HEATR4: variants seen among roughly 807,000 people sequenced by gnomAD.
HEATR4 encodes HEAT repeat-containing protein 4.
In HEATR4, 95 loss-of-function variants were observed where a neutral mutation model predicts 108.8. That is an observed-to-expected ratio of 0.87 (90% CI 0.74 to 1.04). HEATR4 has a LOEUF of 1.04. Among genes scored for constraint, HEATR4 ranks in the 50% least tolerant of loss-of-function variants. HEATR4 has a pLI of 0.00. For synonymous variants in HEATR4, 443 were observed against 459.4 expected (o/e 0.96, Z 0.46); for missense variants, 1,152 against 1,253.8 (o/e 0.92, Z 1.23).
the HEATR4 span, among the ~76,000 whole-genome samples, chr14:73,565,690 T>C: frequency 2.0e-5 from 3 of 151,882 alleles, no homozygotes; most frequent in South Asian, 2.1e-4. Flanking sequence ...TAAGGCGGCG[T>C]GTCTGGAGTT....
intron 15 of HEATR4, 63 bp downstream of exon 15, chr14:73,496,538 G>A: frequency 1.0e-6 from 1 of 974,170 alleles, no homozygotes; most frequent in Non-Finnish European, 1.7e-6. Flanking sequence ...GAGGAGGACA[G>A]GGTCTGAGGA....
chr14:73,569,966 G>T, the HEATR4 span: 1 of 1,471,860 alleles, frequency 6.8e-7, no homozygotes, highest in South Asian at 1.4e-5. Context: ...TCGCTTATGT[G>T]TATGCCCCCC....
chr14:73,591,545 A>G, the HEATR4 span, among the ~76,000 whole-genome samples: 3 of 152,026 alleles, frequency 2.0e-5, no homozygotes, highest in African/African-American at 4.8e-5. Context: ...CTGTTTCAAA[A>G]AAAAAAAAAG....
intron 17 of HEATR4, among the ~76,000 whole-genome samples, chr14:73,488,187 T>C (rs921475104): frequency 1.3e-5 from 2 of 152,200 alleles, no homozygotes; most frequent in African/African-American, 2.4e-5. Context: ...CAATGTTAGA[T>C]GAGGGACCTG....
chr14:73,523,491 C>A (rs1888102426), intron 2 of HEATR4, among the ~76,000 whole-genome samples: 1 of 152,212 alleles, frequency 6.6e-6, no homozygotes, highest in Non-Finnish European at 1.5e-5. Flanking sequence ...GTATCCCATG[C>A]TTCCAGTTTG....
chr14:73,562,501 C>A (rs1889544009), upstream of HEATR4, among the ~76,000 whole-genome samples: 1 of 151,960 alleles, frequency 6.6e-6, no homozygotes, highest in Non-Finnish European at 1.5e-5. Context: ...GGGAAGACAA[C>A]CATAAGGTCT....
intron 17 of HEATR4, among the ~76,000 whole-genome samples, chr14:73,482,741 C>T (rs1885305838): frequency 6.6e-6 from 1 of 152,190 alleles, no homozygotes; most frequent in Non-Finnish European, 1.5e-5. Context: ...ACCATAACCT[C>T]CGCCTTCCAA....
the HEATR4 span, chr14:73,575,037 A>G: frequency 6.3e-7 from 1 of 1,583,526 alleles, no homozygotes; most frequent in Non-Finnish European, 8.6e-7. Context: ...TGTTGGGGGA[A>G]CCTTACACTA....
chr14:73,617,158 A>T, the HEATR4 span: 2 of 1,614,130 alleles, frequency 1.2e-6, 1 homozygote, highest in South Asian at 2.2e-5. Context: ...GAGTACTTTG[A>T]AGAAGCCGTG....
At chr14:73,590,838 G>C in the HEATR4 span, among the ~76,000 whole-genome samples, 9 of 152,138 alleles carry the variant, frequency 5.9e-5, no homozygotes, top group East Asian at 1.7e-3. Context: ...CCAGTAAGCT[G>C]AGGGAGCCGA....
rs1389703298 is a variant in HEATR4 at position 73,552,496 on chromosome 14, G to A, written c.-152+6255C>T. Among the ~76,000 whole-genome samples the A allele has an allele frequency of 1.4e-4, 12 of 87,736 alleles. 2 individuals are homozygous for A. The highest frequency in any genetic ancestry group is 4.0e-4 in the Admixed American group (3 of 7,542). The allele number at this position is 87,736 out of a possible 152,430, so 57.6% of individuals were successfully genotyped here. A position where few individuals can be genotyped will look rare whatever the true frequency, so the allele number is the denominator to read the frequency against. On this transcript the variant is annotated intron_variant, in intron 1 of 17. Transcript: ENST00000553558. ...TAAACCCACCCTGGCCCCTTTCCCAGGCTCCAAGCTCAGAGGAGGCAGAGG... is the reference window on the plus strand; with the variant it reads ...TAAACCCACCCTGGCCCCTTTCCCAAGCTCCAAGCTCAGAGGAGGCAGAGG...
intron 17 of HEATR4, among the ~76,000 whole-genome samples, chr14:73,484,599 C>T (rs1026622500): frequency 7.9e-5 from 12 of 151,874 alleles, no homozygotes; most frequent in Admixed American, 2.6e-4. Context: ...AGGCTGGTCT[C>T]GAACTCCTGG....
the HEATR4 span, chr14:73,569,959 C>T: frequency 6.7e-7 from 1 of 1,500,544 alleles, no homozygotes; most frequent in Non-Finnish European, 8.9e-7. Context: ...ACGCTTTTCG[C>T]TTATGTGTAT....
chr14:73,598,305 G>A, the HEATR4 span, among the ~76,000 whole-genome samples: 1 of 150,260 alleles, frequency 6.7e-6, no homozygotes, highest in Non-Finnish European at 1.5e-5. Context: ...CAGGAGAATG[G>A]TGTGAACCCG....
the HEATR4 span, among the ~76,000 whole-genome samples, chr14:73,627,925 C>T: frequency 1.1e-4 from 16 of 152,290 alleles, no homozygotes; most frequent in Non-Finnish European, 2.1e-4. Flanking sequence ...TCTCCTGCCT[C>T]AGCCTCCTGA....
At chr14:73,605,796 C>T in the HEATR4 span, among the ~76,000 whole-genome samples, 1 of 151,916 alleles carries the variant, frequency 6.6e-6, no homozygotes, top group East Asian at 1.9e-4. Context: ...GTCTTGAATT[C>T]CTGACCTCAG....
the HEATR4 span, among the ~76,000 whole-genome samples, chr14:73,628,799 C>A: frequency 6.6e-6 from 1 of 151,652 alleles, no homozygotes; most frequent in East Asian, 1.9e-4. Context: ...TGCCGGTAAT[C>A]CTAGCATTTT....
intron 1 of HEATR4, among the ~76,000 whole-genome samples, chr14:73,558,228 T>C (rs1468842370): frequency 7.3e-6 from 1 of 137,488 alleles, no homozygotes; most frequent in Non-Finnish European, 1.6e-5. Flanking sequence ...CCTTTCTCCC[T>C]TTTTGCCCTC....
rs148728215 is a variant in HEATR4 at position 73,547,894 on chromosome 14, A to G, written c.-152+10857T>C. On this transcript the variant is annotated intron_variant, in intron 1 of 17. Coordinates refer to ENST00000553558, the MANE Select transcript of HEATR4 (RefSeq NM_001220484.1). ...GAGTGAGACCCTGTCTCAAAAAATA[A>G]AATAAAAATAAAGTGTACAAAGAGA... 4.4e-5 allele frequency among the ~76,000 whole-genome samples: 5 copies of G among 114,740 alleles called. 2 individuals are homozygous for G. The East Asian group carries it at 3.5e-3, about 80-fold the overall frequency. The allele number at this position is 114,740 out of a possible 152,430, so 75.3% of individuals were successfully genotyped here.
Sources: allele counts gnomAD v4.1 joint callset (sites outside exome capture counted in the v4.1 genomes callset), GRCh38; gene constraint gnomAD v4.1.1; transcripts MANE v1.5; gene names NCBI Gene and HGNC (gene_info 2026-07-23, HGNC 2026-07-21).